Variants in CTNND2 observed in about 807,000 individuals in gnomAD.
CTNND2 encodes the protein catenin delta-2.
In CTNND2, 22 loss-of-function variants were observed where a neutral mutation model predicts 144.4. The ratio of observed to expected loss-of-function variants is 0.15; its 90% CI spans 0.11 to 0.22. CTNND2 has a LOEUF of 0.22. Ranked by LOEUF, CTNND2 falls within the 10% of genes least tolerant of loss-of-function variation. The pLI is 1.00. For missense variants in CTNND2, 1,353 were observed against 1,618.8 expected (o/e 0.84, Z 2.82); for synonymous variants, 751 against 695.6 (o/e 1.08, Z -1.25).
At chr5:11,517,688 T>C (rs182987308) in intron 3 of CTNND2, among the ~76,000 whole-genome samples, 3 of 152,140 alleles carry the variant, frequency 2.0e-5, no homozygotes, top group Admixed American at 2.0e-4. Context: ...GCATAAAACC[T>C]AGATGATGGG....
intron 1 of CTNND2, among the ~76,000 whole-genome samples, chr5:11,858,231 AT>A (rs1329658617): frequency 6.6e-6 from 1 of 152,222 alleles, no homozygotes; most frequent in Non-Finnish European, 1.5e-5. Context: ...ATTGGATTCC[AT>A]TTAGTTAATA....
At chr5:11,312,466 A>G (rs556751384) in intron 9 of CTNND2, among the ~76,000 whole-genome samples, 15 of 152,110 alleles carry the variant, frequency 9.9e-5, no homozygotes, top group South Asian at 4.1e-4. Flanking sequence ...AAGCAAAAGC[A>G]GAAACCCCTG....
At chr5:11,075,040 TA>T (rs1282068617) in intron 16 of CTNND2, among the ~76,000 whole-genome samples, 1 of 151,936 alleles carries the variant, frequency 6.6e-6, no homozygotes, top group Non-Finnish European at 1.5e-5. Context: ...TTTTACTACT[TA>T]AAAAATAATA....
chr5:11,879,341 G>GTGTATATATATATATATATATATATATA, intron 1 of CTNND2, among the ~76,000 whole-genome samples: 49 of 109,372 alleles, frequency 4.5e-4, no homozygotes, highest in Middle Eastern at 5.3e-3. Flanking sequence ...TTAAATGTGT[G>GTGTATATATATATATATATATATATATA]TATATATATA....
intron 3 of CTNND2, among the ~76,000 whole-genome samples, chr5:11,548,727 C>T (rs1161396382): frequency 6.6e-6 from 1 of 152,162 alleles, no homozygotes; most frequent in Non-Finnish European, 1.5e-5. Flanking sequence ...AAATCCAATC[C>T]TTTAACAGAA....
chr5:10,980,423 T>C (rs1372140958), intron 21 of CTNND2, among the ~76,000 whole-genome samples: 4 of 152,136 alleles, frequency 2.6e-5, no homozygotes, highest in African/African-American at 4.8e-5. Context: ...TGTGGAGAAA[T>C]AGGAACGCTT....
intron 12 of CTNND2, among the ~76,000 whole-genome samples, chr5:11,128,898 C>T (rs183128203): frequency 0.37 from 15,340 of 41,592 alleles, 3,315 homozygotes; most frequent in Non-Finnish European, 0.49. Flanking sequence ...ATATATATTA[C>T]ATATATAAAT....
chr5:11,755,616 T>C (rs1788886503), intron 1 of CTNND2, among the ~76,000 whole-genome samples: 2 of 146,860 alleles, frequency 1.4e-5, no homozygotes, highest in Non-Finnish European at 3.0e-5. Flanking sequence ...TAATCCCATA[T>C]TTCTAGGAGT....
At chr5:11,360,558 T>C (rs6554625) in intron 8 of CTNND2, among the ~76,000 whole-genome samples, 33,631 of 151,942 alleles carry the variant, frequency 0.22, 3,992 homozygotes, top group South Asian at 0.31. Context: ...ATCACACTCA[T>C]ACCTTCCCTT....
At chr5:11,350,677 A>G (rs1013571555) in intron 8 of CTNND2, among the ~76,000 whole-genome samples, 1 of 152,180 alleles carries the variant, frequency 6.6e-6, no homozygotes, top group Non-Finnish European at 1.5e-5. Context: ...GTTAGAGGCT[A>G]ATCAATGCAA....
At chr5:11,759,398 A>T (rs1178783392) in intron 1 of CTNND2, among the ~76,000 whole-genome samples, 1 of 152,112 alleles carries the variant, frequency 6.6e-6, no homozygotes, top group Non-Finnish European at 1.5e-5. Context: ...ATGTCCAAGG[A>T]TCTTAAGGAA....
chr5:11,395,050 A>C (rs561681189), intron 6 of CTNND2, among the ~76,000 whole-genome samples: 1 of 152,238 alleles, frequency 6.6e-6, no homozygotes, highest in East Asian at 1.9e-4. Flanking sequence ...GGCTTGAAGG[A>C]GTAAGATTTC....
chr5:11,867,636 T>C (rs1043311385), intron 1 of CTNND2, among the ~76,000 whole-genome samples: 2 of 81,746 alleles, frequency 2.4e-5, no homozygotes, highest in African/African-American at 7.8e-5. Context: ...ACTGAGACCA[T>C]TCATTCATTC....
intron 3 of CTNND2, among the ~76,000 whole-genome samples, chr5:11,473,377 G>C (rs986050720): frequency 2.0e-5 from 3 of 152,102 alleles, no homozygotes; most frequent in African/African-American, 7.2e-5. Flanking sequence ...ATAAGTATTA[G>C]GCTTTCCCTA....
At position 11,065,396 on chromosome 5, in the gene CTNND2, T is replaced by C. The variant is rs1747453231; in HGVS notation, c.2788+17300A>G. Among the ~76,000 whole-genome samples, 3 of 152,244 alleles carry C rather than the reference T, an allele frequency of 2.0e-5. No individual in the cohort carries two copies. The South Asian group carries it at 6.2e-4, about 31-fold the overall frequency. ...GTCACACATATGTGTATACTTTAAA[T>C]ATTTATCCCCAGGAGCCCTGATACT... On this transcript the variant is annotated intron_variant, in intron 16 of 21. Coordinates refer to ENST00000304623, the MANE Select transcript of CTNND2 (RefSeq NM_001332.4).
chr5:11,389,510 T>C (rs61749830), intron 6 of CTNND2, among the ~76,000 whole-genome samples: 250 of 152,264 alleles, frequency 1.6e-3, no homozygotes, highest in Admixed American at 3.5e-3. Flanking sequence ...GTGTACTTAG[T>C]GGTATATTGA....
At position 11,357,169 on chromosome 5, in the gene CTNND2, C is replaced by A. The variant is rs552476488; in HGVS notation, c.1372+7527G>T. ...GTTACCATGTGATCCAGCAATCTCA[C>A]TCCTAGGTATATACCCAAAGAAAAT... On this transcript the variant is annotated intron_variant, in intron 8 of 21. Transcript: ENST00000304623. Among the ~76,000 whole-genome samples the A allele has an allele frequency of 1.3e-5, 2 of 152,212 alleles. 1 individual carries two copies. Among genetic ancestry groups the A allele is most frequent in the African/African-American group, 4.8e-5 (2 of 41,556 alleles).
At chr5:11,793,191 A>G (rs75755512) in intron 1 of CTNND2, among the ~76,000 whole-genome samples, 2 of 152,166 alleles carry the variant, frequency 1.3e-5, no homozygotes, top group Non-Finnish European at 2.9e-5. Context: ...CACTCTTCAC[A>G]TAGGCCCAAC....
intron 2 of CTNND2, among the ~76,000 whole-genome samples, chr5:11,590,194 C>T (rs1015804856): frequency 1.3e-5 from 2 of 151,894 alleles, no homozygotes; most frequent in African/African-American, 4.8e-5. Flanking sequence ...TACAGGCGCC[C>T]GTCACCAGGC....
Sources: allele counts gnomAD v4.1 joint callset (sites outside exome capture counted in the v4.1 genomes callset), GRCh38; gene constraint gnomAD v4.1.1; transcripts MANE v1.5; gene names NCBI Gene and HGNC (gene_info 2026-07-23, HGNC 2026-07-21).